Variants in SHTN1 observed in about 807,000 individuals in gnomAD.
SHTN1 encodes the protein shootin 1.
A neutral mutation model predicts 83.1 loss-of-function variants in SHTN1; 42 were observed. The observed-to-expected ratio is 0.51, with a 90% CI of 0.39 to 0.65. The LOEUF is 0.65. SHTN1 is among the 30% of genes least tolerant of loss of function. The pLI is 0.00. For synonymous variants in SHTN1, 224 were observed against 247.7 expected (o/e 0.90, Z 0.90); for missense variants, 622 against 737.8 (o/e 0.84, Z 1.82).
chr10:116,964,906 C>T (rs1850334898), intron 3 of SHTN1, among the ~76,000 whole-genome samples: 1 of 151,996 alleles, frequency 6.6e-6, no homozygotes, highest in East Asian at 1.9e-4. Flanking sequence ...GCGGAGGTTG[C>T]AGTGGGCCAA....
At chr10:116,941,414 T>C (rs1014683691) in intron 8 of SHTN1, among the ~76,000 whole-genome samples, 4 of 152,210 alleles carry the variant, frequency 2.6e-5, no homozygotes, top group African/African-American at 7.2e-5. Context: ...CTTTACATGA[T>C]TGAAAATAAT....
intron 1 of SHTN1, among the ~76,000 whole-genome samples, chr10:116,988,402 A>G (rs1851300646): frequency 6.6e-6 from 1 of 151,642 alleles, no homozygotes; most frequent in Non-Finnish European, 1.5e-5. Context: ...ATATAGTAGT[A>G]TTCTTCATGG....
chr10:117,031,070 A>G (rs1308879151), intron 2 of SHTN1, among the ~76,000 whole-genome samples: 2 of 152,132 alleles, frequency 1.3e-5, no homozygotes, highest in African/African-American at 4.8e-5. Flanking sequence ...TAATAATCAA[A>G]CTCCCAAAGG....
chr10:117,120,929 C>T (rs1853914905), intron 1 of SHTN1, among the ~76,000 whole-genome samples: 2 of 151,970 alleles, frequency 1.3e-5, no homozygotes, highest in South Asian at 4.1e-4. Flanking sequence ...CCTGCCTCAG[C>T]CTCCCTAGTA....
At chr10:117,013,878 G>A (rs1333271823) in intron 2 of SHTN1, among the ~76,000 whole-genome samples, 1 of 152,088 alleles carries the variant, frequency 6.6e-6, no homozygotes, top group Admixed American at 6.6e-5. Context: ...TCCCTCAATA[G>A]GTGAATGAAC....
At chr10:116,952,481 G>A (rs957261519) in intron 5 of SHTN1, among the ~76,000 whole-genome samples, 1 of 152,110 alleles carries the variant, frequency 6.6e-6, no homozygotes, top group African/African-American at 2.4e-5. Flanking sequence ...ATAGTCCTTA[G>A]ACATTATTTG....
intron 6 of SHTN1, among the ~76,000 whole-genome samples, chr10:116,949,296 A>T (rs914914713): frequency 7.2e-5 from 11 of 151,844 alleles, no homozygotes; most frequent in Admixed American, 5.9e-4. Context: ...TTTTTAATTA[A>T]AAAAAAACAA....
intron 14 of SHTN1, chr10:116,911,478 C>T (rs200157604): frequency 2.0e-5 from 31 of 1,550,040 alleles, no homozygotes; most frequent in East Asian, 1.7e-4. Context: ...TCAACATGTA[C>T]GGACCCTTAC....
chr10:117,011,982 T>C (rs566631524), intron 2 of SHTN1, among the ~76,000 whole-genome samples: 2 of 151,646 alleles, frequency 1.3e-5, no homozygotes, highest in South Asian at 2.1e-4. Context: ...CTAATAAAAA[T>C]ACAAAAAATT....
chr10:116,977,264 T>C (rs943992033), intron 2 of SHTN1, among the ~76,000 whole-genome samples: 2 of 152,214 alleles, frequency 1.3e-5, no homozygotes, highest in East Asian at 3.8e-4. Context: ...TCTTCTATCA[T>C]CCTTCTTTCT....
chr10:116,932,941 A>T (rs980630946), intron 9 of SHTN1, among the ~76,000 whole-genome samples: 1 of 152,196 alleles, frequency 6.6e-6, no homozygotes, highest in African/African-American at 2.4e-5. Flanking sequence ...AAGTAGCTGG[A>T]CTTTTCAGAA....
intron 1 of SHTN1, among the ~76,000 whole-genome samples, chr10:117,090,987 T>C (rs1169186516): frequency 2.0e-5 from 3 of 152,190 alleles, no homozygotes; most frequent in African/African-American, 7.2e-5. Context: ...AGAATGATGA[T>C]TTAGGAACTG....
At chr10:117,093,652 ACAC>A (rs1190985654) in intron 1 of SHTN1, among the ~76,000 whole-genome samples, 1 of 152,228 alleles carries the variant, frequency 6.6e-6, no homozygotes, top group East Asian at 1.9e-4. Context: ...CTTTTTCACG[ACAC>A]CAGGCTCTCT....
At chr10:117,115,019 G>A (rs936549376) in intron 1 of SHTN1, among the ~76,000 whole-genome samples, 12 of 152,194 alleles carry the variant, frequency 7.9e-5, no homozygotes, top group African/African-American at 2.4e-4. Context: ...AATGAAGACG[G>A]TGAGACTGAT....
At chr10:116,911,555 A>G (rs1310623667) in intron 14 of SHTN1, 8 of 1,550,606 alleles carry the variant, frequency 5.2e-6, no homozygotes, top group Admixed American at 2.0e-5. Context: ...GGAAACAATG[A>G]CTTTGGTGAA....
intron 1 of SHTN1, among the ~76,000 whole-genome samples, chr10:117,120,610 T>C (rs1336455770): frequency 6.6e-6 from 1 of 152,142 alleles, no homozygotes; most frequent in Non-Finnish European, 1.5e-5. Flanking sequence ...CCCATAAATA[T>C]ATACACCTAC....
chr10:117,005,518 A>C (rs1172702786), upstream of SHTN1: 9 of 997,078 alleles, frequency 9.0e-6, no homozygotes, highest in Non-Finnish European at 1.1e-5. Flanking sequence ...TGGGAACTCC[A>C]CTTTGGACGC....
chr10:117,029,942 T>C (rs1852387050), intron 2 of SHTN1, among the ~76,000 whole-genome samples: 1 of 146,682 alleles, frequency 6.8e-6, no homozygotes, highest in Non-Finnish European at 1.5e-5. Context: ...TGGAGTGCAA[T>C]GGTGTCAACT....
chr10:117,014,773 G>C (rs1852156543), intron 2 of SHTN1, among the ~76,000 whole-genome samples: 1 of 152,130 alleles, frequency 6.6e-6, no homozygotes, highest in African/African-American at 2.4e-5. Context: ...AACTTATTCA[G>C]TGAAAGATTA....
Sources: allele counts gnomAD v4.1 joint callset (sites outside exome capture counted in the v4.1 genomes callset), GRCh38; gene constraint gnomAD v4.1.1; transcripts MANE v1.5; gene names NCBI Gene and HGNC (gene_info 2026-07-23, HGNC 2026-07-21).